Variants in CALD1 observed in about 807,000 individuals in gnomAD.
CALD1 encodes the protein caldesmon.
Under a neutral mutation model 99.9 loss-of-function variants are expected in CALD1, and 33 were observed. The observed-to-expected ratio is 0.33, with a 90% CI of 0.25 to 0.44. The LOEUF is 0.44. CALD1 is among the 20% of genes least tolerant of loss of function. The probability of loss-of-function intolerance (pLI) is 1.00; values close to 1 mark genes in which losing one functional copy is unlikely to be tolerated. For synonymous variants in CALD1, 310 were observed against 325.0 expected (o/e 0.95, Z 0.50); for missense variants, 861 against 962.1 (o/e 0.89, Z 1.39).
intron 1 of CALD1, among the ~76,000 whole-genome samples, chr7:134,798,079 C>T (rs1585966171): frequency 6.6e-6 from 1 of 152,064 alleles, no homozygotes; most frequent in East Asian, 1.9e-4. Context: ...AATGAAAGTC[C>T]AACCTTTATT....
At chr7:134,921,269 T>C (rs919194970) in intron 3 of CALD1, among the ~76,000 whole-genome samples, 1 of 152,272 alleles carries the variant, frequency 6.6e-6, no homozygotes, top group Admixed American at 6.5e-5. Flanking sequence ...TTATGCACTA[T>C]TGAATTTATA....
chr7:134,958,173 T>G (rs761983239), intron 10 of CALD1, 36 bp from the exon 11 acceptor site: 7 of 1,610,086 alleles, frequency 4.3e-6, no homozygotes, highest in Non-Finnish European at 6.0e-6. Context: ...GAAGATTCTC[T>G]CTCATATTTT....
intron 3 of CALD1, among the ~76,000 whole-genome samples, chr7:134,921,369 C>A (rs545235144): frequency 2.0e-5 from 3 of 152,254 alleles, no homozygotes; most frequent in South Asian, 2.1e-4. Context: ...TTAAAAGGAT[C>A]CTCATTCTTA....
chr7:134,864,098 C>T (rs1282944049), intron 2 of CALD1, among the ~76,000 whole-genome samples: 1 of 152,122 alleles, frequency 6.6e-6, no homozygotes, highest in East Asian at 1.9e-4. Context: ...TGCCTGTAAT[C>T]CCAGCACTTT....
chr7:134,960,071 A>T lies in CALD1; in HGVS notation c.2159A>T (p.Asn720Ile), dbSNP rs779780393. The T allele has an allele frequency of 8.1e-6, 13 of 1,614,080 alleles. No homozygotes were observed. The highest frequency in any genetic ancestry group is 1.0e-5 in the Non-Finnish European group (12 of 1,179,934). The stretch of plus-strand genomic sequence containing the variant: ...ATCAAGAGTATGTGGGAGAAAGGGA[A>T]TGTGTTTTCATCCCCCACTGCAGCA... ...RNIKSMWEKG[N>I]VFSSPTAAGT... Residue 720 changes from asparagine to isoleucine, a missense_variant, in exon 12 of 15, where the codon AAT (asparagine) becomes ATT (isoleucine). Asn to Ile is a moderately radical substitution (Grantham distance 149). Transcript: ENST00000361675.
rs965979327 is a variant in CALD1 at position 134,869,377 on chromosome 7, G to A, written c.71+1573G>A. On this transcript the variant is annotated intron_variant, in intron 3 of 14. Transcript: ENST00000361675. The stretch of plus-strand genomic sequence containing the variant: ...GAGACTTAACAAGGGAGTTATGTGC[G>A]ATGACACTATGCTGGAGAAACTTAT... 4.6e-5 allele frequency among the ~76,000 whole-genome samples: 7 copies of A among 152,174 alleles called. No homozygotes were observed. In the East Asian group the frequency reaches 1.2e-3, roughly 25 times the overall value.
intron 3 of CALD1, among the ~76,000 whole-genome samples, chr7:134,895,298 ATGTGTGTGTGTGTGTGTGTG>A (rs71172482): frequency 7.9e-5 from 11 of 138,720 alleles, no homozygotes; most frequent in East Asian, 4.4e-4. Context: ...TTATATATGT[ATGTGTGTGTGTGTGTGTGTG>A]TGTGTGTGTG....
chr7:134,732,775 C>A, the CALD1 span, among the ~76,000 whole-genome samples: 2 of 152,206 alleles, frequency 1.3e-5, no homozygotes, highest in Non-Finnish European at 2.9e-5. Flanking sequence ...ACCACATAAT[C>A]CCATGCTATA....
At chr7:134,841,567 C>T (rs1385921036) in intron 1 of CALD1, among the ~76,000 whole-genome samples, 2 of 152,154 alleles carry the variant, frequency 1.3e-5, no homozygotes, top group African/African-American at 2.4e-5. Context: ...CTCGTGCAAG[C>T]CTGTAGAACA....
At chr7:134,943,018 A>AT (rs2133076731) in intron 7 of CALD1, among the ~76,000 whole-genome samples, 1 of 152,326 alleles carries the variant, frequency 6.6e-6, no homozygotes, top group East Asian at 1.9e-4. Flanking sequence ...GGAAAAAAAA[A>AT]TACAGGAACA....
chr7:134,914,314 T>C (rs1452040350), intron 3 of CALD1, among the ~76,000 whole-genome samples: 1 of 152,194 alleles, frequency 6.6e-6, no homozygotes, highest in Non-Finnish European at 1.5e-5. Context: ...GGTGCTGCTG[T>C]TCTAAATGAT....
the CALD1 span, among the ~76,000 whole-genome samples, chr7:134,716,085 G>A: frequency 6.6e-6 from 1 of 152,128 alleles, no homozygotes; most frequent in Admixed American, 6.5e-5. Flanking sequence ...ACAGAATATA[G>A]TGAGAATAAA....
chr7:134,792,521 C>T (rs1797580555), intron 1 of CALD1, among the ~76,000 whole-genome samples: 1 of 151,928 alleles, frequency 6.6e-6, no homozygotes, highest in Non-Finnish European at 1.5e-5. Flanking sequence ...CGAACTCCTG[C>T]TGTCAGGTGA....
chr7:134,924,954 C>T (rs1378472792), intron 3 of CALD1, among the ~76,000 whole-genome samples: 1 of 152,166 alleles, frequency 6.6e-6, no homozygotes, highest in Non-Finnish European at 1.5e-5. Flanking sequence ...TGCCTTGCTT[C>T]CCCTTCACCT....
intron 3 of CALD1, chr7:134,891,507 G>A: frequency 6.7e-7 from 1 of 1,488,142 alleles, no homozygotes; most frequent in Admixed American, 2.4e-5. Context: ...CCTGCACCGT[G>A]CATTTCAGCC....
intron 3 of CALD1, among the ~76,000 whole-genome samples, chr7:134,896,842 C>T (rs1802609198): frequency 6.6e-6 from 1 of 152,206 alleles, no homozygotes; most frequent in South Asian, 2.1e-4. Context: ...TGGAGGCGAA[C>T]TTACCCCTGG....
At chr7:134,781,418 C>T (rs1200676320) in intron 1 of CALD1, among the ~76,000 whole-genome samples, 1 of 152,096 alleles carries the variant, frequency 6.6e-6, no homozygotes, top group Non-Finnish European at 1.5e-5. Context: ...GGGCTCCCCA[C>T]CCCCAACAAC....
rs1807244228 is a variant in CALD1, at chr7:134,950,423, C to T, written c.1844C>T (p.Ala615Val). The change falls in exon 9 of 15, where the codon GCT (alanine) becomes GTT (valine). Residue 615 changes from alanine to valine, a missense_variant. By Grantham distance (64) the Ala-to-Val change is moderately conservative. Coordinates refer to ENST00000361675, the MANE Select transcript of CALD1 (RefSeq NM_033138.4). Reference protein sequence around the residue: ...KEEIERRRAEAAEKRQKMPED... With the variant: ...KEEIERRRAEVAEKRQKMPED... ...GAGATTGAAAGGCGAAGAGCAGAAG[C>T]TGCTGAGAAACGCCAGAAGATGCCA... The T allele has an allele frequency of 6.2e-7, 1 of 1,613,898 alleles. No individual in the cohort carries two copies. Among genetic ancestry groups the T allele is most frequent in the Admixed American group, 1.7e-5 (1 of 60,012 alleles).
intron 7 of CALD1, among the ~76,000 whole-genome samples, chr7:134,947,214 A>AT (rs1174871968): frequency 4.6e-5 from 7 of 151,810 alleles, no homozygotes; most frequent in Non-Finnish European, 8.8e-5. Flanking sequence ...TCTCTTGTTG[A>AT]TTTTTTGAGG....
Sources: gnomAD v4.1 joint callset for allele counts (sites outside exome capture counted in the v4.1 genomes callset) on GRCh38, gnomAD v4.1.1 for gene constraint, MANE v1.5 for transcripts, NCBI Gene and HGNC (gene_info 2026-07-23, HGNC 2026-07-21) for gene names.